The following CCDC30 variants were observed in gnomAD, a reference collection of about 807,000 sequenced individuals.
The protein encoded by CCDC30 is coiled-coil domain containing 30.
A neutral mutation model predicts 100.2 loss-of-function variants in CCDC30; 70 were observed. The observed-to-expected ratio is 0.70, with a 90% CI of 0.58 to 0.85. CCDC30 has a LOEUF of 0.85. Ranked by LOEUF, CCDC30 falls within the 40% of genes least tolerant of loss-of-function variation. CCDC30 has a pLI of 0.00. For missense variants in CCDC30, 652 were observed against 771.2 expected (o/e 0.85, Z 1.83); for synonymous variants, 233 against 269.5 (o/e 0.86, Z 1.33).
intron 3 of CCDC30, among the ~76,000 whole-genome samples, chr1:42,483,589 C>T (rs1644000292): frequency 6.6e-6 from 1 of 152,300 alleles, no homozygotes; most frequent in Admixed American, 6.5e-5. Flanking sequence ...GTGGCTTTAA[C>T]TGGTATTCCC....
At chr1:42,555,905 G>A (rs115000718) in intron 6 of CCDC30, among the ~76,000 whole-genome samples, 12,837 of 152,116 alleles carry the variant, frequency 0.084, 679 homozygotes, top group South Asian at 0.19. Context: ...GGCCAGGCTC[G>A]TCTCCAGCTC....
At chr1:42,513,397 C>G (rs1262502973) in intron 6 of CCDC30, among the ~76,000 whole-genome samples, 2 of 152,152 alleles carry the variant, frequency 1.3e-5, no homozygotes, top group South Asian at 4.2e-4. Flanking sequence ...TTTGTCACCC[C>G]ACCCTGATCT....
chr1:42,654,225 G>A (rs1648581972), downstream of CCDC30: 1 of 555,330 alleles, frequency 1.8e-6, no homozygotes, highest in East Asian at 3.0e-5. Flanking sequence ...CAGATGCCTT[G>A]TATTGACCAA....
At chr1:42,555,577 T>A (rs1166371347) in intron 6 of CCDC30, among the ~76,000 whole-genome samples, 1 of 152,210 alleles carries the variant, frequency 6.6e-6, no homozygotes, top group Admixed American at 6.5e-5. Flanking sequence ...ATACTAAAAG[T>A]TGAAAAAGTA....
At chr1:42,648,250 A>G (rs774946797) in intron 15 of CCDC30, among the ~76,000 whole-genome samples, 9 of 152,188 alleles carry the variant, frequency 5.9e-5, no homozygotes, top group Non-Finnish European at 1.0e-4. Flanking sequence ...TTAAGAGGGA[A>G]GTTTATAACA....
chr1:42,463,849 C>G (rs1191070422), exon 1 of CCDC30: 1 of 152,094 alleles, frequency 6.6e-6, no homozygotes, highest in Non-Finnish European at 1.5e-5. Context: ...ACCTTGAATC[C>G]CGATGAAGAT....
chr1:42,606,228 G>A (rs12026793), intron 10 of CCDC30, among the ~76,000 whole-genome samples: 30,476 of 152,078 alleles, frequency 0.2, 3,368 homozygotes, highest in South Asian at 0.42. Context: ...AGTACACACT[G>A]TACTGCTGTA....
At chr1:42,635,967 T>C (rs1647146929) in intron 11 of CCDC30, among the ~76,000 whole-genome samples, 1 of 152,242 alleles carries the variant, frequency 6.6e-6, no homozygotes, top group Non-Finnish European at 1.5e-5. Context: ...GTCATTTTAC[T>C]CTAGCCATCC....
intron 4 of CCDC30, among the ~76,000 whole-genome samples, chr1:42,496,080 T>G (rs928908200): frequency 2.6e-5 from 4 of 151,564 alleles, no homozygotes; most frequent in Non-Finnish European, 5.9e-5. Context: ...AGTTGTAGAG[T>G]AAGATGTGTG....
chr1:42,633,607 T>G (rs1215408824), intron 11 of CCDC30, among the ~76,000 whole-genome samples: 1 of 152,170 alleles, frequency 6.6e-6, no homozygotes, highest in Non-Finnish European at 1.5e-5. Context: ...AATCTATCTT[T>G]GTCAATGTCA....
intron 7 of CCDC30, among the ~76,000 whole-genome samples, chr1:42,572,927 A>G (rs1645762713): frequency 6.6e-6 from 1 of 152,158 alleles, no homozygotes; most frequent in Non-Finnish European, 1.5e-5. Context: ...CTATTGTGGC[A>G]TATTTCTGAG....
At chr1:42,538,162 A>C (rs868065490) in intron 6 of CCDC30, among the ~76,000 whole-genome samples, 29,647 of 141,180 alleles carry the variant, frequency 0.21, 4,356 homozygotes, top group Non-Finnish European at 0.3. Context: ...AAAAAAAAAA[A>C]AAAAAAAAAA....
chr1:42,581,181 C>T (rs559751407), intron 8 of CCDC30, among the ~76,000 whole-genome samples, 179 bp from the exon 13 acceptor site: 131 of 152,226 alleles, frequency 8.6e-4, no homozygotes, highest in African/African-American at 3.0e-3. Context: ...TATATGAATG[C>T]ATTACATACT....
intron 6 of CCDC30, among the ~76,000 whole-genome samples, chr1:42,508,214 G>A (rs1217519147): frequency 6.6e-6 from 1 of 152,184 alleles, no homozygotes; most frequent in Non-Finnish European, 1.5e-5. Flanking sequence ...TCAAAATAAA[G>A]GGTGCCATTT....
chr1:42,593,555 C>T (rs1355300449), intron 10 of CCDC30: 1 of 152,092 alleles, frequency 6.6e-6, no homozygotes, highest in Non-Finnish European at 1.5e-5. Flanking sequence ...AGTCCCTCTC[C>T]CTTCCTGGGA....
At chr1:42,480,679 C>T (rs539223006) in intron 2 of CCDC30, 113 bp downstream of exon 2, 10 of 928,196 alleles carry the variant, frequency 1.1e-5, no homozygotes, top group African/African-American at 8.9e-5. Flanking sequence ...ATCCACCAGT[C>T]TCTACAAAGA....
In CCDC30 at chr1:42,477,859, T is replaced by C. The variant is rs115675582; in HGVS notation, c.-91-2602T>C. 5.7e-3 allele frequency among the ~76,000 whole-genome samples: 867 copies of C among 152,220 alleles called. 5 individuals carry two copies. Among genetic ancestry groups the C allele is most frequent in the Admixed American group, 8.8e-3 (134 of 15,294 alleles). On this transcript the variant is annotated intron_variant, in intron 1 of 16. Coordinates refer to ENST00000668663, the Ensembl canonical transcript of CCDC30. ...GAAAAGGCTTCCAAAGGAGATTGCA[T>C]TGAGTTGTGTTTTGAAAGGTGCTAG... is the stretch of plus-strand genomic sequence containing the variant.
At chr1:42,517,576 T>G (rs1380800339) in intron 6 of CCDC30, among the ~76,000 whole-genome samples, 1 of 152,208 alleles carries the variant, frequency 6.6e-6, no homozygotes, top group Non-Finnish European at 1.5e-5. Flanking sequence ...CTTTTTATCC[T>G]TTTTGAATTA....
At chr1:42,606,556 A>T (rs1484325930) in intron 10 of CCDC30, among the ~76,000 whole-genome samples, 1 of 152,194 alleles carries the variant, frequency 6.6e-6, no homozygotes, top group Admixed American at 6.5e-5. Context: ...ACATGTTGCA[A>T]GTATCCTCTT....
Sources: allele counts gnomAD v4.1 joint callset (sites outside exome capture counted in the v4.1 genomes callset), GRCh38; gene constraint gnomAD v4.1.1; transcripts MANE v1.5; gene names NCBI Gene and HGNC (gene_info 2026-07-23, HGNC 2026-07-21).